DLG2: variants seen among roughly 807,000 people sequenced by gnomAD.
DLG2 encodes the protein discs large MAGUK scaffold protein 2.
In DLG2, 45 loss-of-function variants were observed where a neutral mutation model predicts 132.5. The ratio of observed to expected loss-of-function variants is 0.34; its 90% CI spans 0.27 to 0.44. DLG2 has a LOEUF of 0.44. DLG2 is among the 20% of genes least tolerant of loss of function. The pLI is 1.00. For synonymous variants in DLG2, 424 were observed against 419.6 expected, an observed-to-expected ratio of 1.01 and a Z score of -0.13; for missense variants, 1,045 against 1,196.9, an observed-to-expected ratio of 0.87 and a Z score of 1.87.
Position 83,874,445 on chromosome 11 carries a change from G to A in DLG2, c.1540C>T (p.Leu514Phe). The change falls in exon 16 of 28, where the codon CTC becomes TTC. Residue 514 changes from leucine (L) to phenylalanine (F), a missense_variant. By Grantham distance (22) the Leu-to-Phe change is conservative. Around this residue, in one of 4 missense-constraint regions of DLG2, gnomAD observed 261 missense variants for 256.1 expected, o/e 1.02. Transcript: ENST00000376104. ...CCTTCCAGGGAGACGGCCCGTTGGA[G>A]AGTCATTGAAGGCTGACGAGTTGCG... ...STATRQPSMT[L>F]QRAVSLEGEP... The A allele has an allele frequency of 1.2e-6, 2 of 1,601,238 alleles. No homozygotes were observed. The highest frequency in any genetic ancestry group is 8.5e-7 in the Non-Finnish European group (1 of 1,172,240).
intron 7 of DLG2, among the ~76,000 whole-genome samples, chr11:84,491,574 T>G (rs1190559600): frequency 6.6e-6 from 1 of 152,146 alleles, no homozygotes; most frequent in Non-Finnish European, 1.5e-5. Context: ...GACCACATCC[T>G]TGTTTGTTCT....
chr11:83,629,283 A>G (rs1480747431), intron 19 of DLG2, among the ~76,000 whole-genome samples: 1 of 151,602 alleles, frequency 6.6e-6, no homozygotes. Context: ...TATACACTCA[A>G]AAAATGTTTG....
At chr11:84,640,483 C>A in intron 6 of DLG2, 3 of 457,252 alleles carry the variant, frequency 6.6e-6, no homozygotes, top group Non-Finnish European at 1.1e-5. Flanking sequence ...CAAGCCACAA[C>A]AGTTAAAAAC....
Position 85,287,332 on chromosome 11 carries a change from C to T in DLG2, c.41-1967G>A, listed in dbSNP as rs193112354. The stretch of plus-strand genomic sequence containing the variant: ...TACAAATCGCAAAGAAAAAGACAAG[C>T]AAACTAAAAGAAAAGAATTGGTAAA... On this transcript the variant is annotated intron_variant, in intron 3 of 27. Coordinates refer to ENST00000376104, the MANE Select transcript of DLG2 (RefSeq NM_001142699.3). Among the ~76,000 whole-genome samples the T allele has an allele frequency of 1.6e-3, 245 of 151,994 alleles. 1 individual carries two copies. Among genetic ancestry groups the T allele is most frequent in the African/African-American group, 5.8e-3 (241 of 41,494 alleles).
At chr11:84,457,147 T>A (rs2099067596) in intron 7 of DLG2, among the ~76,000 whole-genome samples, 1 of 151,174 alleles carries the variant, frequency 6.6e-6, no homozygotes, top group Non-Finnish European at 1.5e-5. Flanking sequence ...TTTCTAATCT[T>A]GTTGAGAACA....
At chr11:85,357,161 C>T (rs548447976) in intron 3 of DLG2, among the ~76,000 whole-genome samples, 1 of 151,472 alleles carries the variant, frequency 6.6e-6, no homozygotes, top group Non-Finnish European at 1.5e-5. Context: ...GAGCAGCCTG[C>T]ATTTCCTTTT....
At position 84,624,855 on chromosome 11, in the gene DLG2, A is replaced by AC. The variant is rs1317597361; in HGVS notation, c.358-90125dup. 3.5e-4 allele frequency among the ~76,000 whole-genome samples: 21 copies of AC among 60,516 alleles called. 2 individuals carry two copies. Among genetic ancestry groups the AC allele is most frequent in the Admixed American group, 2.8e-4 (2 of 7,244 alleles). The allele number at this position is 60,516 out of a possible 152,430, so 39.7% of individuals were successfully genotyped here. A position where few individuals can be genotyped will look rare whatever the true frequency, so the allele number is the denominator to read the frequency against. On this transcript the variant is annotated intron_variant, in intron 6 of 27. Coordinates refer to ENST00000376104, the MANE Select transcript of DLG2 (RefSeq NM_001142699.3). ...AGAGTTACCTCTCAGAAGAGAGTCAACCTTTTTTTTTTTTTTTTTTGAGAC... is the reference window on the plus strand; with the variant it reads ...AGAGTTACCTCTCAGAAGAGAGTCAACCCTTTTTTTTTTTTTTTTTTGAGAC...
chr11:84,567,283 A>T (rs1273102011), intron 6 of DLG2, among the ~76,000 whole-genome samples: 1 of 152,210 alleles, frequency 6.6e-6, no homozygotes, highest in South Asian at 2.1e-4. Flanking sequence ...TTTCTTCTGT[A>T]TATCTGAAAA....
chr11:83,733,250 A>AC (rs975043476), intron 18 of DLG2, among the ~76,000 whole-genome samples: 8 of 150,716 alleles, frequency 5.3e-5, no homozygotes, highest in African/African-American at 1.7e-4. Flanking sequence ...CAAAAAAAAA[A>AC]AAAAAAAAAA....
intron 7 of DLG2, among the ~76,000 whole-genome samples, chr11:84,308,590 G>T (rs910326032): frequency 6.6e-6 from 1 of 152,308 alleles, no homozygotes; most frequent in East Asian, 1.9e-4. Flanking sequence ...ACTGGGTGCC[G>T]TGGAGCAGGG....
At chr11:84,621,472 T>A (rs1366652229) in intron 6 of DLG2, among the ~76,000 whole-genome samples, 3 of 152,296 alleles carry the variant, frequency 2.0e-5, no homozygotes, top group East Asian at 3.9e-4. Context: ...TATAGATTCA[T>A]GTTTTGGCCT....
At chr11:85,484,983 A>T (rs2093394563) in intron 3 of DLG2, among the ~76,000 whole-genome samples, 1 of 152,264 alleles carries the variant, frequency 6.6e-6, no homozygotes, top group South Asian at 2.1e-4. Flanking sequence ...CTGGATTAAG[A>T]AAATGTGGCA....
chr11:84,520,813 C>A (rs1362868228), intron 7 of DLG2, among the ~76,000 whole-genome samples: 2 of 152,126 alleles, frequency 1.3e-5, no homozygotes, highest in African/African-American at 4.8e-5. Flanking sequence ...CAAAGGATAA[C>A]CTCCTTAATC....
chr11:85,359,980 CAG>C (rs1347296110), intron 3 of DLG2, among the ~76,000 whole-genome samples: 1 of 152,108 alleles, frequency 6.6e-6, no homozygotes, highest in Admixed American at 6.5e-5. Context: ...GAAAAATTAT[CAG>C]AGAGACTCAT....
At chr11:84,161,556 G>C (rs2095546355) in intron 9 of DLG2, among the ~76,000 whole-genome samples, 1 of 152,154 alleles carries the variant, frequency 6.6e-6, no homozygotes, top group Non-Finnish European at 1.5e-5. Flanking sequence ...AGTAAGATCA[G>C]AATCCAGACT....
At chr11:84,009,004 G>A (rs2094730670) in intron 11 of DLG2, among the ~76,000 whole-genome samples, 1 of 150,670 alleles carries the variant, frequency 6.6e-6, no homozygotes, top group South Asian at 2.1e-4. Context: ...TCTTCTTGAT[G>A]CTCCATACCT....
intron 6 of DLG2, among the ~76,000 whole-genome samples, chr11:85,102,055 A>G (rs999238546): frequency 1.2e-4 from 18 of 152,060 alleles, no homozygotes; most frequent in African/African-American, 3.9e-4. Context: ...TCAAACTGCA[A>G]TGCATAGAAT....
intron 6 of DLG2, among the ~76,000 whole-genome samples, chr11:85,014,414 C>T (rs891387805): frequency 4.6e-5 from 7 of 152,112 alleles, no homozygotes; most frequent in Non-Finnish European, 1.0e-4. Flanking sequence ...TTAAGGATGA[C>T]TTGCTTTCAT....
intron 6 of DLG2, among the ~76,000 whole-genome samples, chr11:84,749,147 G>T (rs938246472): frequency 6.6e-6 from 1 of 151,980 alleles, no homozygotes; most frequent in Admixed American, 6.6e-5. Context: ...AATTTTTTTG[G>T]TCTTTCAGTA....
Sources: gnomAD v4.1 joint callset for allele counts (sites outside exome capture counted in the v4.1 genomes callset) on GRCh38, gnomAD v4.1.1 for gene constraint, gnomAD v4.1.1 regional missense constraint, MANE v1.5 for transcripts, NCBI Gene and HGNC (gene_info 2026-07-23, HGNC 2026-07-21) for gene names.